The following ARHGAP45 variants were observed in gnomAD, a reference collection of about 807,000 sequenced individuals.
The protein encoded by ARHGAP45 is Rho GTPase activating protein 45, also known as rho GTPase-activating protein 45.
ARHGAP45 carries 56 observed loss-of-function variants against 116.1 expected under a neutral mutation model. That is an observed-to-expected ratio of 0.48 (90% CI 0.39 to 0.60). ARHGAP45 has a LOEUF of 0.60. ARHGAP45 is among the 20% of genes least tolerant of loss of function. The pLI, the probability that ARHGAP45 is intolerant of heterozygous loss-of-function variation, is 0.00. For missense variants in ARHGAP45, 1,622 were observed against 1,601.0 expected (o/e 1.01, Z -0.22); for synonymous variants, 866 against 701.7 (o/e 1.23, Z -3.70).
At chr19:1,085,548 CATCTCTCT>C (rs1182862352) in intron 22 of ARHGAP45, 104 bp from the exon 23 acceptor site, 2 of 756,878 alleles carry the variant, frequency 2.6e-6, no homozygotes, top group Non-Finnish European at 4.2e-6. Context: ...CCTGTCTCTC[CATCTCTCT>C]CCCCCCTCTC....
At chr19:1,073,849 G>A in intron 5 of ARHGAP45, 99 bp from the exon 6 acceptor site, 1 of 1,532,664 alleles carries the variant, frequency 6.5e-7, no homozygotes, top group Admixed American at 2.0e-5. Context: ...TGTGCGCCTT[G>A]GTTTCCCTCT....
At chr19:1,073,904 G>A in intron 5 of ARHGAP45, 44 bp from the exon 6 acceptor site, 1 of 1,531,802 alleles carries the variant, frequency 6.5e-7, no homozygotes, top group Non-Finnish European at 8.8e-7. Flanking sequence ...GCACTGCCCA[G>A]GGCCCCGCAT....
In ARHGAP45 at chr19:1,071,325, G is replaced by A. The variant is rs1213174173; in HGVS notation, c.422-1824G>A. ...CGGGACGGCGCACCCGGTGCTGGAC[G>A]AGGGCCCCGTGCGCTGCCGGGCGGG... On this transcript the variant is annotated intron_variant, in intron 2 of 22. Coordinates refer to ENST00000313093, the MANE Select transcript of ARHGAP45 (RefSeq NM_012292.5). This position sits in a 1 kb window ranked among gnomAD's most constrained non-coding sequence, Gnocchi z 4.6. The A allele has an allele frequency of 9.9e-6, 14 of 1,416,878 alleles. No individual in the cohort carries two copies. The highest frequency in any genetic ancestry group is 3.3e-5 in the East Asian group (1 of 30,686). 87.8% of individuals were successfully genotyped at this position (1,416,878 alleles called of 1,614,324 possible).
rs937431187 is a variant in ARHGAP45, at chr19:1,071,314, C to G, written c.422-1835C>G. 2 of 1,432,556 alleles carry G rather than the reference C, an allele frequency of 1.4e-6. No individual in the cohort carries two copies. Among genetic ancestry groups the G allele is most frequent in the Non-Finnish European group, 9.1e-7 (1 of 1,099,978 alleles). The allele number at this position is 1,432,556 out of a possible 1,614,324, so 88.7% of individuals were successfully genotyped here. A position where few individuals can be genotyped will look rare whatever the true frequency, so the allele number is the denominator to read the frequency against. ...ATGTGTATCTGCGGGACGGCGCACC[C>G]GGTGCTGGACGAGGGCCCCGTGCGC... On this transcript the variant is annotated intron_variant, in intron 2 of 22. Coordinates refer to ENST00000313093, the MANE Select transcript of ARHGAP45 (RefSeq NM_012292.5). The surrounding 1 kb of genome is among the most constrained non-coding windows in gnomAD (Gnocchi z 4.6).
Position 1,071,390 on chromosome 19 carries a change from G to C in ARHGAP45, c.422-1759G>C, listed in dbSNP as rs1004526534. 2.6e-5 allele frequency: 31 copies of C among 1,194,408 alleles called. No individual in the cohort carries two copies. In the African/African-American group the frequency reaches 3.4e-4, roughly 13 times the overall value. 74.0% of individuals were successfully genotyped at this position (1,194,408 alleles called of 1,614,324 possible). On this transcript the variant is annotated intron_variant, in intron 2 of 22. Transcript: ENST00000313093. The surrounding 1 kb of genome is among the most constrained non-coding windows in gnomAD (Gnocchi z 4.6). ...GGACAGGTGCCGGGCGCTGGGTCCC[G>C]CCGCGTCCGGGAGCACGTGGCGCTC...
Position 1,085,687 on chromosome 19 carries a change from A to G in ARHGAP45, c.3092A>G (p.Asp1031Gly), listed in dbSNP as rs1418780320. The stretch of plus-strand genomic sequence containing the variant: ...TCCCGAGTTGTGTCCAACGATTCGG[A>G]CTCGGACCTAGAGGAGGCCTCCGAG... ...RESRVVSNDS[D>G]SDLEEASELL... is the part of the protein sequence containing the mutation. The change falls in exon 23 of 23, where the codon GAC (aspartate) becomes GGC (glycine). Residue 1031 changes from aspartate (D) to glycine (G), a missense_variant. This residue lies in a region of ARHGAP45 where 1,334 missense variants were observed against 1,263.8 expected (regional missense o/e 1.06). Coordinates refer to ENST00000313093, the MANE Select transcript of ARHGAP45 (RefSeq NM_012292.5). The G allele has an allele frequency of 6.3e-7, 1 of 1,586,306 alleles. No homozygotes were observed. The highest frequency in any genetic ancestry group is 8.6e-7 in the Non-Finnish European group (1 of 1,162,712).
Position 1,074,167 on chromosome 19 carries a change from C to T in ARHGAP45, c.854C>T (p.Ala285Val), listed in dbSNP as rs2145032055. The T allele has an allele frequency of 6.2e-7, 1 of 1,613,474 alleles. No individual in the cohort carries two copies. Among genetic ancestry groups the T allele is most frequent in the Non-Finnish European group, 8.5e-7 (1 of 1,180,008 alleles). Residue 285 changes from alanine to valine, a missense_variant, in exon 7 of 23, where the codon GCA becomes GTA. Ala to Val is a moderately conservative substitution (Grantham distance 64, BLOSUM62 0). Around this residue, in one of 3 missense-constraint regions of ARHGAP45, gnomAD observed 1,334 missense variants for 1,263.8 expected, o/e 1.06. Coordinates refer to ENST00000313093, the MANE Select transcript of ARHGAP45 (RefSeq NM_012292.5). ...LQRCEGGVDAALLYAKNMAKY... is the reference protein window; with the variant it reads ...LQRCEGGVDAVLLYAKNMAKY... ...CGCTGTGAGGGGGGCGTGGATGCCG[C>T]ACTGCTGTATGCCAAGAACATGGCC...
Position 1,074,151 on chromosome 19 carries a change from G to T in ARHGAP45, c.838G>T (p.Gly280Trp). Residue 280 changes from glycine to tryptophan, a missense_variant, in exon 7 of 23, where the codon GGG becomes TGG. By Grantham distance (184) the Gly-to-Trp change is radical. Transcript: ENST00000313093. ...EVDVLLQRCE[G>W]GVDAALLYAK... ...GGACGTGCTGCTACAGCGCTGTGAG[G>T]GGGGCGTGGATGCCGCACTGCTGTA... The T allele has an allele frequency of 6.2e-7, 1 of 1,613,428 alleles. No individual in the cohort carries two copies. Among genetic ancestry groups the T allele is most frequent in the Non-Finnish European group, 8.5e-7 (1 of 1,179,986 alleles).
Position 1,086,369 on chromosome 19 carries a change from T to C in ARHGAP45, c.*363T>C, listed in dbSNP as rs1026197192. 2 of 237,184 alleles carry C rather than the reference T, an allele frequency of 8.4e-6. No homozygotes were observed. The highest frequency in any genetic ancestry group is 1.1e-4 in the South Asian group (2 of 17,466). The allele number at this position is 237,184 out of a possible 1,614,324, so 14.7% of individuals were successfully genotyped here. ...TCACGGGGACGCAGGAGGCAGGCCC[T>C]GCCCTGCCCTCTCCTCACAGGTCTG... On this transcript the variant is annotated 3_prime_UTR_variant, in exon 23 of 23. Coordinates refer to ENST00000313093, the MANE Select transcript of ARHGAP45 (RefSeq NM_012292.5).
At position 1,068,615 on chromosome 19, in the gene ARHGAP45, G is replaced by T; in HGVS notation, c.292G>T (p.Ala98Ser). 3 of 1,611,316 alleles carry T rather than the reference G, an allele frequency of 1.9e-6. No individual in the cohort carries two copies. Among genetic ancestry groups the T allele is most frequent in the Non-Finnish European group, 2.5e-6 (3 of 1,179,190 alleles). ...GRSHRSPLTA[A>S]SPGELPTEGA... ...GAGCCACCGGAGCCCACTGACAGCC[G>T]CCAGCCCGGGCGAGCTGCCCACCGA... Residue 98 changes from alanine (A) to serine (S), a missense_variant, in exon 2 of 23, where the codon GCC (alanine) becomes TCC (serine). Physicochemically the swap from Ala to Ser is moderately conservative, Grantham distance 99. Transcript: ENST00000313093. The surrounding 1 kb of genome is among the most constrained non-coding windows in gnomAD (Gnocchi z 7.5).
Position 1,079,744 on chromosome 19 carries a change from C to G in ARHGAP45, c.1416C>G (p.Asp472Glu), listed in dbSNP as rs781626058. The G allele has an allele frequency of 4.3e-6, 7 of 1,612,622 alleles. No individual in the cohort carries two copies. Among genetic ancestry groups the G allele is most frequent in the African/African-American group, 1.3e-5 (1 of 75,060 alleles). ...AMATYRTCVA[D>E]AKTQKQELED... Reference sequence around the variant, plus strand: ...CCACCTACCGCACCTGCGTGGCCGACGCGAAGACGCAGAAGCAGGAGCTGG... The same window carrying G: ...CCACCTACCGCACCTGCGTGGCCGAGGCGAAGACGCAGAAGCAGGAGCTGG... The change falls in exon 12 of 23, where the codon GAC becomes GAG. Residue 472 changes from aspartate (D) to glutamate (E), a missense_variant. Physicochemically the swap from Asp to Glu is conservative, Grantham distance 45. Transcript: ENST00000313093.
chr19:1,073,413 G>C (rs1444320803), intron 3 of ARHGAP45, 93 bp from the exon 4 acceptor site: 3 of 1,558,386 alleles, frequency 1.9e-6, no homozygotes, highest in East Asian at 4.5e-5. Flanking sequence ...GCTCCCTCCT[G>C]TTCCCCCTGG....
At chr19:1,066,329 G>A (rs147680903), upstream of ARHGAP45, among the ~76,000 whole-genome samples, 287 of 152,276 alleles carry the variant, frequency 1.9e-3, no homozygotes, top group African/African-American at 6.6e-3. Flanking sequence ...GCCTGCAGAT[G>A]CCCCAGCTCT....
intron 22 of ARHGAP45, among the ~76,000 whole-genome samples, chr19:1,084,814 G>C (rs187694346): frequency 1.2e-4 from 19 of 152,034 alleles, no homozygotes; most frequent in African/African-American, 3.6e-4. Flanking sequence ...GGCTGGGCAC[G>C]GTGGCTCACG....
chr19:1,067,358 G>T lies in ARHGAP45; in HGVS notation c.-48G>T, dbSNP rs974050835. The T allele has an allele frequency of 7.3e-6, 11 of 1,514,482 alleles. No homozygotes were observed. The African/African-American group carries it at 1.3e-4, about 18-fold the overall frequency. The allele number at this position is 1,514,482 out of a possible 1,614,324, so 93.8% of individuals were successfully genotyped here. On this transcript the variant is annotated 5_prime_UTR_variant, in exon 1 of 23. Coordinates refer to ENST00000313093, the MANE Select transcript of ARHGAP45 (RefSeq NM_012292.5). ...AGCGGCCAGCGCCGGGAGCTGCAGCGCTGAGACCCCCAGCCCGCCCCCTCG... is the reference window on the plus strand; with the variant it reads ...AGCGGCCAGCGCCGGGAGCTGCAGCTCTGAGACCCCCAGCCCGCCCCCTCG...
chr19:1,077,217 C>G, intron 10 of ARHGAP45: 6 of 985,314 alleles, frequency 6.1e-6, no homozygotes, highest in Non-Finnish European at 6.0e-6. Context: ...CAAAAGAGCC[C>G]GGAGACGCTC....
intron 6 of ARHGAP45, 32 bp downstream of exon 6, chr19:1,074,046 T>A: frequency 1.2e-6 from 2 of 1,602,818 alleles, no homozygotes; most frequent in East Asian, 4.5e-5. Flanking sequence ...GGCAGGCATT[T>A]GAGGGGTGGG....
intron 10 of ARHGAP45, chr19:1,077,264 G>T: frequency 2.0e-6 from 2 of 985,372 alleles, no homozygotes; most frequent in Non-Finnish European, 2.4e-6. Flanking sequence ...AGAGGCTGCC[G>T]TGTGAGCCTC....
At chr19:1,081,251 G>C (rs1242872691) in intron 17 of ARHGAP45, among the ~76,000 whole-genome samples, 187 bp downstream of exon 17, 1 of 152,172 alleles carries the variant, frequency 6.6e-6, no homozygotes, top group African/African-American at 2.4e-5. Context: ...TTGGCTCTCT[G>C]AGGCAGCGAG....
Sources: allele counts gnomAD v4.1 joint callset (sites outside exome capture counted in the v4.1 genomes callset), GRCh38; gene constraint gnomAD v4.1.1; regional missense constraint gnomAD v4.1.1; non-coding constraint Gnocchi (gnomAD v3.1); transcripts MANE v1.5; gene names NCBI Gene and HGNC (gene_info 2026-07-23, HGNC 2026-07-21).